The following CTNNA3 variants were observed in gnomAD, a reference collection of about 807,000 sequenced individuals.
CTNNA3 encodes the protein catenin alpha-3.
In CTNNA3, 76 loss-of-function variants were observed where a neutral mutation model predicts 95.7. The ratio of observed to expected loss-of-function variants is 0.79; its 90% confidence interval spans 0.66 to 0.96. The LOEUF is 0.96. CTNNA3 is among the 40% of genes least tolerant of loss of function. CTNNA3 has a pLI of 0.00. For missense variants in CTNNA3, 1,191 were observed against 1,089.8 expected, an observed-to-expected ratio of 1.09 and a Z score of -1.31; for synonymous variants, 431 against 374.4, an observed-to-expected ratio of 1.15 and a Z score of -1.74.
intron 1 of CTNNA3, among the ~76,000 whole-genome samples, chr10:67,706,653 C>A (rs543750498): frequency 2.4e-4 from 36 of 152,132 alleles, no homozygotes; most frequent in South Asian, 2.1e-3. Flanking sequence ...TTAAATTGGA[C>A]AAGCAGGCCT....
chr10:66,539,768 C>T (rs1325329861), intron 10 of CTNNA3, among the ~76,000 whole-genome samples: 1 of 151,946 alleles, frequency 6.6e-6, no homozygotes, highest in African/African-American at 2.4e-5. Flanking sequence ...TTTTCCTTTA[C>T]AAAAAACATC....
intron 9 of CTNNA3, among the ~76,000 whole-genome samples, chr10:66,666,044 C>G (rs2132456749): frequency 6.6e-6 from 1 of 152,252 alleles, no homozygotes; most frequent in African/African-American, 2.4e-5. Flanking sequence ...TAAACACAAT[C>G]TAATATAAGT....
At position 67,517,247 on chromosome 10, in the gene CTNNA3, T is replaced by C. The variant is rs540038329; in HGVS notation, c.579+4595A>G. On this transcript the variant is annotated intron_variant, in intron 5 of 17. Transcript: ENST00000433211. ...CAAAGGTTTCCTTTTCTTCACATCATCACTAACTCCTGTTATCTCTTGTCT... is the reference window on the plus strand; with the variant it reads ...CAAAGGTTTCCTTTTCTTCACATCACCACTAACTCCTGTTATCTCTTGTCT... 2.6e-5 allele frequency among the ~76,000 whole-genome samples: 4 copies of C among 152,260 alleles called. No individual in the cohort carries two copies. In the East Asian group the frequency reaches 7.7e-4, roughly 29 times the overall value.
chr10:66,409,792 T>G (rs973228691), intron 11 of CTNNA3, among the ~76,000 whole-genome samples: 1 of 152,292 alleles, frequency 6.6e-6, no homozygotes, highest in Non-Finnish European at 1.5e-5. Context: ...AATGCAACAT[T>G]TAAAACCAAG....
intron 5 of CTNNA3, among the ~76,000 whole-genome samples, chr10:67,262,556 C>G (rs1439307273): frequency 2.6e-5 from 4 of 152,120 alleles, no homozygotes; most frequent in African/African-American, 4.8e-5. Context: ...TGTGAGAGGT[C>G]TAGGATCTGT....
intron 2 of CTNNA3, among the ~76,000 whole-genome samples, chr10:67,622,463 C>G (rs1564789617): frequency 6.6e-6 from 1 of 152,088 alleles, no homozygotes; most frequent in Admixed American, 6.6e-5. Flanking sequence ...AGGGGAGCAA[C>G]ATTAAAGTGA....
At chr10:66,619,401 G>A (rs1295195832) in intron 10 of CTNNA3, among the ~76,000 whole-genome samples, 1 of 134,198 alleles carries the variant, frequency 7.5e-6, no homozygotes, top group East Asian at 2.2e-4. Flanking sequence ...ATGAGTTCAT[G>A]TCCTTTGTAG....
chr10:67,115,497 A>T (rs911015923), intron 7 of CTNNA3, among the ~76,000 whole-genome samples: 4 of 151,584 alleles, frequency 2.6e-5, no homozygotes, highest in East Asian at 1.9e-4. Context: ...ATAATAATAA[A>T]AAAATAAAAT....
chr10:66,026,827 T>G (rs1330767786), intron 15 of CTNNA3, among the ~76,000 whole-genome samples: 1 of 152,122 alleles, frequency 6.6e-6, no homozygotes, highest in Non-Finnish European at 1.5e-5. Flanking sequence ...AAATCACCCA[T>G]GGTTGAGCTC....
chr10:66,499,036 G>A (rs1840191040), intron 11 of CTNNA3, among the ~76,000 whole-genome samples: 1 of 152,132 alleles, frequency 6.6e-6, no homozygotes, highest in Non-Finnish European at 1.5e-5. Flanking sequence ...CTGCAATGAA[G>A]TAAAACCTAA....
rs192408875 is a variant in CTNNA3 at position 66,256,310 on chromosome 10, C to T, written c.1884+24160G>A. On this transcript the variant is annotated intron_variant, in intron 13 of 17. Coordinates refer to ENST00000433211, the MANE Select transcript of CTNNA3 (RefSeq NM_013266.4). ...CTGGCTGTACACTTTCTAAGTCAGGCATCCAAAGACGTCAGACAAAAACTC... is the reference window on the plus strand; with the variant it reads ...CTGGCTGTACACTTTCTAAGTCAGGTATCCAAAGACGTCAGACAAAAACTC... Among the ~76,000 whole-genome samples, 649 of 152,296 alleles carry T rather than the reference C, an allele frequency of 4.3e-3. 7 individuals carry two copies. The highest frequency in any genetic ancestry group is 0.015 in the African/African-American group (617 of 41,552).
chr10:66,736,013 C>A lies in CTNNA3; in HGVS notation c.1281+30251G>T, dbSNP rs574885103. On this transcript the variant is annotated intron_variant, in intron 9 of 17. Coordinates refer to ENST00000433211, the MANE Select transcript of CTNNA3 (RefSeq NM_013266.4). ...TGGCGGCTGATCCTTCAGTCAGCATCCCAGAAATAGAAAAATGCATAAAGC... is the reference window on the plus strand; with the variant it reads ...TGGCGGCTGATCCTTCAGTCAGCATACCAGAAATAGAAAAATGCATAAAGC... Among the ~76,000 whole-genome samples the A allele has an allele frequency of 2.0e-5, 3 of 152,208 alleles. No individual in the cohort carries two copies. The South Asian group carries it at 6.2e-4, about 32-fold the overall frequency.
Position 66,273,215 on chromosome 10 carries a change from A to G in CTNNA3, c.1884+7255T>C, listed in dbSNP as rs376029387. On this transcript the variant is annotated intron_variant, in intron 13 of 17. Transcript: ENST00000433211. Reference sequence around the variant, plus strand: ...TCACTACGTGCACTTTGGGGTCATCATGAAGTAAAATAAGGGTTACTTGAA... The same window carrying G: ...TCACTACGTGCACTTTGGGGTCATCGTGAAGTAAAATAAGGGTTACTTGAA... Among the ~76,000 whole-genome samples, 11 of 152,234 alleles carry G rather than the reference A, an allele frequency of 7.2e-5. No homozygotes were observed. The East Asian group carries it at 1.9e-3, about 27-fold the overall frequency.
intron 7 of CTNNA3, among the ~76,000 whole-genome samples, chr10:67,126,432 C>T (rs1370982892): frequency 6.6e-6 from 1 of 152,134 alleles, no homozygotes; most frequent in South Asian, 2.1e-4. Context: ...GAGACTGAGG[C>T]GGGAGAATCG....
At chr10:66,907,613 G>C (rs1846042216) in intron 7 of CTNNA3, among the ~76,000 whole-genome samples, 1 of 151,988 alleles carries the variant, frequency 6.6e-6, no homozygotes, top group Non-Finnish European at 1.5e-5. Context: ...CCCATGTTAG[G>C]AACTTTCAGA....
intron 9 of CTNNA3, among the ~76,000 whole-genome samples, chr10:66,629,309 G>C (rs1845050671): frequency 6.6e-6 from 1 of 152,036 alleles, no homozygotes; most frequent in Non-Finnish European, 1.5e-5. Context: ...TCAAGGCAGA[G>C]AGCTACAGGT....
intron 7 of CTNNA3, among the ~76,000 whole-genome samples, chr10:66,954,745 CT>C (rs1848703637): frequency 2.0e-5 from 3 of 152,120 alleles, no homozygotes; most frequent in South Asian, 4.1e-4. Flanking sequence ...TATACCCTTC[CT>C]TGGCGGAATC....
intron 3 of CTNNA3, among the ~76,000 whole-genome samples, chr10:67,555,741 T>C (rs75195286): frequency 0.1 from 15,439 of 152,112 alleles, 815 homozygotes; most frequent in East Asian, 0.14. Flanking sequence ...TTGAATACCC[T>C]TTATTTCTTT....
At chr10:66,644,056 G>T (rs190140475) in intron 9 of CTNNA3, among the ~76,000 whole-genome samples, 4 of 152,032 alleles carry the variant, frequency 2.6e-5, no homozygotes, top group Non-Finnish European at 4.4e-5. Context: ...CTGGGAGTTC[G>T]AGACCAGCCT....
Sources: allele counts gnomAD v4.1 joint callset (sites outside exome capture counted in the v4.1 genomes callset), GRCh38; gene constraint gnomAD v4.1.1; transcripts MANE v1.5; gene names NCBI Gene and HGNC (gene_info 2026-07-23, HGNC 2026-07-21).